The following LOXL2 variants were observed in gnomAD, a reference collection of about 807,000 sequenced individuals.
LOXL2 encodes lysyl oxidase homolog 2.
A neutral mutation model predicts 93.0 loss-of-function variants in LOXL2; 70 were observed. That is an observed-to-expected ratio of 0.75 (90% CI 0.62 to 0.92). The LOEUF is 0.92. LOXL2 is among the 40% of genes least tolerant of loss of function. The probability of loss-of-function intolerance (pLI) is 0.00; values close to 1 mark genes in which losing one functional copy is unlikely to be tolerated. For missense variants in LOXL2, 973 were observed against 1,054.9 expected (o/e 0.92, Z 1.08); for synonymous variants, 438 against 413.2 (o/e 1.06, Z -0.73).
At chr8:23,317,255 A>T in intron 8 of LOXL2, 141 bp from the exon 9 acceptor site, 1 of 873,340 alleles carries the variant, frequency 1.1e-6, no homozygotes, top group Non-Finnish European at 1.8e-6. Flanking sequence ...AGGGTCACCT[A>T]TCCAAGCTGT....
At chr8:23,363,337 G>A (rs1804333951) in intron 2 of LOXL2, 1 of 152,188 alleles carries the variant, frequency 6.6e-6, no homozygotes, top group South Asian at 2.1e-4. Flanking sequence ...ACAGCACCTT[G>A]GATCCATTGT....
chr8:23,319,425 C>A (rs1320430110), intron 8 of LOXL2, among the ~76,000 whole-genome samples: 1 of 151,752 alleles, frequency 6.6e-6, no homozygotes, highest in East Asian at 1.9e-4. Context: ...GCATTAGGCA[C>A]AGATGCCAGC....
intron 1 of LOXL2, among the ~76,000 whole-genome samples, chr8:23,384,140 T>C (rs1005546714): frequency 2.6e-4 from 40 of 152,322 alleles, no homozygotes; most frequent in Admixed American, 5.2e-4. Context: ...AGGTAATTTA[T>C]GGGATACGAA....
intron 5 of LOXL2, 143 bp from the exon 6 acceptor site, chr8:23,328,708 G>GTTGTGTGTGTGTGTGTGTGTGTGTGTGT: frequency 2.4e-6 from 1 of 422,720 alleles, no homozygotes; most frequent in Non-Finnish European, 4.2e-6. Flanking sequence ...TTGATGTATG[G>GTTGTGTGTGTGTGTGTGTGTGTGTGTGT]ATGTGTGTGT....
At chr8:23,356,889 C>T (rs1804210005) in intron 3 of LOXL2, among the ~76,000 whole-genome samples, 1 of 152,152 alleles carries the variant, frequency 6.6e-6, no homozygotes, top group African/African-American at 2.4e-5. Context: ...CCAAGGCGTA[C>T]ATCTTGTCTT....
chr8:23,371,785 AT>A (rs1425665619), intron 1 of LOXL2, among the ~76,000 whole-genome samples: 30 of 123,978 alleles, frequency 2.4e-4, no homozygotes, highest in Admixed American at 4.4e-4. Flanking sequence ...AAAAAAAAAA[AT>A]GCATGGCAAG....
At chr8:23,396,303 G>A (rs184052117) in intron 1 of LOXL2, among the ~76,000 whole-genome samples, 83 of 150,996 alleles carry the variant, frequency 5.5e-4, no homozygotes, top group African/African-American at 1.9e-3. Flanking sequence ...GACAACAAGA[G>A]CAAAACTCAG....
chr8:23,310,031 A>G, intron 9 of LOXL2, 120 bp from the exon 10 acceptor site: 1 of 1,134,290 alleles, frequency 8.8e-7, no homozygotes, highest in South Asian at 2.4e-5. Context: ...GGAATGACTC[A>G]AGGGCTCCTC....
chr8:23,395,185 C>A (rs566729859), intron 1 of LOXL2, among the ~76,000 whole-genome samples: 1 of 151,944 alleles, frequency 6.6e-6, no homozygotes. Context: ...ACCTGGGAGA[C>A]GGAGGTTGCA....
At chr8:23,347,187 ACACACACACACACACACACACT>A (rs1653136707) in intron 3 of LOXL2, among the ~76,000 whole-genome samples, 1 of 92,170 alleles carries the variant, frequency 1.1e-5, no homozygotes, top group Admixed American at 1.4e-4. Context: ...ACACACACAC[ACACACACACACACACACACACT>A]AGCTGGGTAT....
chr8:23,303,052 C>G (rs915919330), intron 11 of LOXL2, among the ~76,000 whole-genome samples: 1 of 152,018 alleles, frequency 6.6e-6, no homozygotes. Flanking sequence ...CCCTGTGGAC[C>G]GACCAGTGCC....
intron 1 of LOXL2, among the ~76,000 whole-genome samples, chr8:23,403,066 G>A (rs1360731806): frequency 6.6e-6 from 1 of 152,100 alleles, no homozygotes; most frequent in Non-Finnish European, 1.5e-5. Context: ...CTATTCCAGC[G>A]CTGATTCCTG....
chr8:23,338,595 G>T lies in LOXL2; in HGVS notation c.743+2397C>A, dbSNP rs1252189505. On this transcript the variant is annotated intron_variant, in intron 4 of 13. Transcript: ENST00000389131. ...CAGTGCTGCATGGCGGGAGGGAAGG[G>T]GGTCCCTTCTTGGGCCTCAGAGGTG... Among the ~76,000 whole-genome samples, 3 of 152,330 alleles carry T rather than the reference G, an allele frequency of 2.0e-5. No homozygotes were observed. The East Asian group carries it at 5.8e-4, about 29-fold the overall frequency.
chr8:23,340,263 T>C (rs753623001), intron 4 of LOXL2, among the ~76,000 whole-genome samples: 10 of 152,208 alleles, frequency 6.6e-5, no homozygotes, highest in Non-Finnish European at 1.2e-4. Flanking sequence ...TTATAAGTCT[T>C]TGGTAAAGCC....
Position 23,333,428 on chromosome 8 carries a change from T to G in LOXL2, c.939A>C (p.Ser313=). 6.2e-7 allele frequency: 1 copy of G among 1,613,500 alleles called. No homozygotes were observed. Among genetic ancestry groups the G allele is most frequent in the Non-Finnish European group, 8.5e-7 (1 of 1,179,972 alleles). Residue 313 remains serine, a synonymous_variant, in exon 5 of 14, where the codon TCA becomes TCC. Coordinates refer to ENST00000389131, the MANE Select transcript of LOXL2 (RefSeq NM_002318.3). ...CTGGCTTGTACGCTTTCCGGAATCTTGAGGGTCCGTCAGGGCTGAAGACCT... is the reference window on the plus strand; with the variant it reads ...CTGGCTTGTACGCTTTCCGGAATCTGGAGGGTCCGTCAGGGCTGAAGACCT... The part of the protein sequence containing the change: ...PGQVFSPDGP[S]RFRKAYKPEQ...
intron 9 of LOXL2, among the ~76,000 whole-genome samples, chr8:23,315,271 G>T (rs1480720742): frequency 6.6e-6 from 1 of 152,186 alleles, no homozygotes; most frequent in Non-Finnish European, 1.5e-5. Context: ...AATCAAGGAG[G>T]TTGTGTAGAT....
chr8:23,315,666 C>T (rs75171130), intron 9 of LOXL2, among the ~76,000 whole-genome samples: 1 of 152,180 alleles, frequency 6.6e-6, no homozygotes, highest in Non-Finnish European at 1.5e-5. Flanking sequence ...TCTCTTTGCT[C>T]TGGCTGCTAG....
chr8:23,321,267 G>A (rs545581462), intron 7 of LOXL2, among the ~76,000 whole-genome samples: 7 of 152,168 alleles, frequency 4.6e-5, no homozygotes, highest in South Asian at 2.1e-4. Context: ...CACCTGCCAA[G>A]GCTCCAAGGC....
chr8:23,381,713 C>T (rs185198037), intron 1 of LOXL2, among the ~76,000 whole-genome samples: 6 of 152,198 alleles, frequency 3.9e-5, no homozygotes, highest in African/African-American at 1.2e-4. Flanking sequence ...GGTATCCTTC[C>T]AACCTCAGGG....
Sources: gnomAD v4.1 joint callset for allele counts (sites outside exome capture counted in the v4.1 genomes callset) on GRCh38, gnomAD v4.1.1 for gene constraint, MANE v1.5 for transcripts, NCBI Gene and HGNC (gene_info 2026-07-23, HGNC 2026-07-21) for gene names.